The following LRRC9 variants were observed in gnomAD, a reference collection of about 807,000 sequenced individuals.
LRRC9 encodes leucine-rich repeat-containing protein 9.
Under a neutral mutation model 63.2 loss-of-function variants are expected in LRRC9, and 122 were observed. The observed-to-expected ratio is 1.93, with a 90% CI of 1.67 to 2.24. LRRC9 has a LOEUF of 2.24. Ranked by LOEUF, LRRC9 falls within the 30% of genes most tolerant of loss-of-function variation. The pLI is 0.00. For synonymous variants in LRRC9, 366 were observed against 213.1 expected (o/e 1.72, Z -6.25); for missense variants, 1,071 against 627.7 (o/e 1.71, Z -7.55).
rs1207227701 is a variant in LRRC9, at chr14:59,981,839, A to AT, written c.1879-3dup. 13 of 680,814 alleles carry AT rather than the reference A, an allele frequency of 1.9e-5. No homozygotes were observed. Among genetic ancestry groups the AT allele is most frequent in the African/African-American group, 1.6e-4 (9 of 55,578 alleles). The allele number at this position is 680,814 out of a possible 1,614,324, so 42.2% of individuals were successfully genotyped here. A position where few individuals can be genotyped will look rare whatever the true frequency, so the allele number is the denominator to read the frequency against. ...ACTGATTTTGCAATGTTTTTAATAC[A>AT]TTTTTTAGGTCAAGGCACCCTCTTT... On this transcript the variant is annotated splice_polypyrimidine_tract_variant and intron_variant, in intron 15 of 31. Transcript: ENST00000445360.
At chr14:59,929,726 A>G (rs1044866587) in intron 3 of LRRC9, among the ~76,000 whole-genome samples, 11 of 152,184 alleles carry the variant, frequency 7.2e-5, no homozygotes, top group Non-Finnish European at 1.6e-4. Flanking sequence ...CATATACACC[A>G]TGGAATACCA....
intron 23 of LRRC9, among the ~76,000 whole-genome samples, chr14:60,013,461 C>T (rs1159700427): frequency 6.6e-6 from 1 of 152,168 alleles, no homozygotes; most frequent in African/African-American, 2.4e-5. Context: ...CCAGATTATT[C>T]AAGATTATCT....
chr14:60,026,322 G>A (rs182275208), intron 27 of LRRC9, among the ~76,000 whole-genome samples: 1 of 152,138 alleles, frequency 6.6e-6, no homozygotes, highest in African/African-American at 2.4e-5. Flanking sequence ...ACTGGGGTGA[G>A]ATGATATCTC....
At chr14:59,941,579 C>T (rs1881770000) in intron 7 of LRRC9, among the ~76,000 whole-genome samples, 1 of 151,782 alleles carries the variant, frequency 6.6e-6, no homozygotes, top group Admixed American at 6.6e-5. Context: ...TGTTGTTTAT[C>T]TGAAATTCAA....
At position 59,940,067 on chromosome 14, in the gene LRRC9, A is replaced by G. The variant is rs1004011183; in HGVS notation, c.726+1495A>G. 9.9e-5 allele frequency among the ~76,000 whole-genome samples: 15 copies of G among 152,130 alleles called. 1 individual carries two copies. Among genetic ancestry groups the G allele is most frequent in the Admixed American group, 6.6e-4 (10 of 15,254 alleles). ...GCAGAGGAGACTGAAAAGGAGAACT[A>G]AGAGAGGCAGGTTCATTCTGACTGA... is the stretch of plus-strand genomic sequence containing the variant. On this transcript the variant is annotated intron_variant, in intron 7 of 31. Transcript: ENST00000445360.
chr14:59,997,793 C>T (rs1309083767), exon 18 of LRRC9: 1 of 701,942 alleles, frequency 1.4e-6, no homozygotes, highest in African/African-American at 1.7e-5. Flanking sequence ...ATATGTTATG[C>T]AAACACACCA....
intron 8 of LRRC9, among the ~76,000 whole-genome samples, chr14:59,954,148 C>G (rs1883471309): frequency 6.6e-6 from 1 of 152,060 alleles, no homozygotes; most frequent in Non-Finnish European, 1.5e-5. Context: ...ATACAGGCTC[C>G]TTTTTGGTTC....
chr14:59,932,666 G>A lies in LRRC9; in HGVS notation c.543+627G>A, dbSNP rs1399343329. ...AATCCATCAGCAAGTACAACTGGGT[G>A]CACCTTCAGAATATGTCCAGAGTCT... On this transcript the variant is annotated intron_variant, in intron 6 of 31. Coordinates refer to ENST00000445360, the Ensembl canonical transcript of LRRC9. The surrounding 1 kb of genome is among the most constrained non-coding windows in gnomAD (Gnocchi z 4.7). Among the ~76,000 whole-genome samples, 1 of 152,030 alleles carries A rather than the reference G, an allele frequency of 6.6e-6. No individual in the cohort carries two copies. The highest frequency in any genetic ancestry group is 1.5e-5 in the Non-Finnish European group (1 of 67,982).
chr14:60,026,601 T>C (rs1891573782), intron 27 of LRRC9, among the ~76,000 whole-genome samples: 3 of 152,110 alleles, frequency 2.0e-5, no homozygotes, highest in Non-Finnish European at 4.4e-5. Context: ...TGTCCATTTT[T>C]GCTTTGGTTG....
chr14:60,062,204 A>C, intron 31 of LRRC9, 25 bp downstream of exon 32: 1 of 398,540 alleles, frequency 2.5e-6, no homozygotes, highest in Non-Finnish European at 4.4e-6. Context: ...TCTGTGTTTT[A>C]ATATCATTTC....
rs763012084 is a variant in LRRC9, at chr14:59,962,360, T to C, written c.1211+1315T>C. ...TGATTTTTCAAGTGCAAAAACTGAA[T>C]GGTGTGTCTCTACTGGGTGCACATT... is the stretch of plus-strand genomic sequence containing the variant. On this transcript the variant is annotated intron_variant, in intron 10 of 31. Coordinates refer to ENST00000445360, the Ensembl canonical transcript of LRRC9. This position sits in a 1 kb window ranked among gnomAD's most constrained non-coding sequence, Gnocchi z 5.1. 1.3e-5 allele frequency among the ~76,000 whole-genome samples: 2 copies of C among 152,148 alleles called. No individual in the cohort carries two copies. The highest frequency in any genetic ancestry group is 2.9e-5 in the Non-Finnish European group (2 of 68,018).
At position 60,017,938 on chromosome 14, in the gene LRRC9, C is replaced by T. The variant is rs887577075; in HGVS notation, c.3318-433C>T. Among the ~76,000 whole-genome samples the T allele has an allele frequency of 1.3e-5, 2 of 152,050 alleles. No individual in the cohort carries two copies. Among genetic ancestry groups the T allele is most frequent in the African/African-American group, 4.8e-5 (2 of 41,436 alleles). ...ACCTGCTTTTCCTTTCCTTTCCTAT[C>T]CCTAACCACTTCCTGGTATTTCAGA... On this transcript the variant is annotated intron_variant, in intron 24 of 31. Coordinates refer to ENST00000445360, the Ensembl canonical transcript of LRRC9. This position sits in a 1 kb window ranked among gnomAD's most constrained non-coding sequence, Gnocchi z 4.0.
intron 6 of LRRC9, among the ~76,000 whole-genome samples, chr14:59,935,868 A>G (rs1172653246): frequency 6.6e-6 from 1 of 152,234 alleles, no homozygotes. Context: ...AGCAATTATG[A>G]CATAAGGCTG....
chr14:59,938,329 A>C lies in LRRC9; in HGVS notation c.544-61A>C, dbSNP rs1054000393. 1 of 602,800 alleles carries C rather than the reference A, an allele frequency of 1.7e-6. No homozygotes were observed. The highest frequency in any genetic ancestry group is 3.0e-6 in the Non-Finnish European group (1 of 336,960). The allele number at this position is 602,800 out of a possible 1,614,324, so 37.3% of individuals were successfully genotyped here. ...GACTATGGCTGATCTTAGGTGTTCA[A>C]ATACTGCCTTTAGAAATGACAGTCA... On this transcript the variant is annotated intron_variant, in intron 6 of 31. Coordinates refer to ENST00000445360, the Ensembl canonical transcript of LRRC9. The surrounding 1 kb of genome is among the most constrained non-coding windows in gnomAD (Gnocchi z 4.2).
At chr14:59,948,533 T>C (rs1882729454) in intron 8 of LRRC9, among the ~76,000 whole-genome samples, 1 of 114,626 alleles carries the variant, frequency 8.7e-6, no homozygotes, top group African/African-American at 3.6e-5. Context: ...TGGCCAGAAC[T>C]TCCAACACTA....
intron 21 of LRRC9, among the ~76,000 whole-genome samples, chr14:60,005,677 T>G (rs1889750744): frequency 6.6e-6 from 1 of 152,152 alleles, no homozygotes; most frequent in Non-Finnish European, 1.5e-5. Flanking sequence ...TTATTCCATT[T>G]AATTTCATAA....
In LRRC9 at chr14:59,974,957, T is replaced by C. The variant is rs147943540; in HGVS notation, c.1639+249T>C. 4.7e-5 allele frequency among the ~76,000 whole-genome samples: 7 copies of C among 149,712 alleles called. No homozygotes were observed. In the East Asian group the frequency reaches 5.9e-4, roughly 13 times the overall value. On this transcript the variant is annotated intron_variant, in intron 13 of 31. Transcript: ENST00000445360. ...GAACATTTGTTACTCAGATATTTAA[T>C]TCAACTTTTCAGGGACATTTTTCAC...
intron 16 of LRRC9, among the ~76,000 whole-genome samples, chr14:59,984,751 A>C (rs1428832787): frequency 6.6e-6 from 1 of 152,112 alleles, no homozygotes; most frequent in African/African-American, 2.4e-5. Context: ...TAGGGTCTCC[A>C]TTGTTCACTG....
At chr14:60,000,784 T>C (rs1889287814) in intron 19 of LRRC9, among the ~76,000 whole-genome samples, 1 of 152,138 alleles carries the variant, frequency 6.6e-6, no homozygotes, top group Non-Finnish European at 1.5e-5. Flanking sequence ...AAAATTAATA[T>C]ATCTTTTTTC....
Sources: gnomAD v4.1 joint callset for allele counts (sites outside exome capture counted in the v4.1 genomes callset) on GRCh38, gnomAD v4.1.1 for gene constraint, Gnocchi (gnomAD v3.1) non-coding constraint, MANE v1.5 for transcripts, NCBI Gene and HGNC (gene_info 2026-07-23, HGNC 2026-07-21) for gene names.